Variants in DCST1 observed in about 807,000 individuals in gnomAD.
DCST1 encodes DC-STAMP domain containing 1.
Under a neutral mutation model 89.1 loss-of-function variants are expected in DCST1, and 78 were observed. The observed-to-expected ratio is 0.88, with a 90% CI of 0.73 to 1.06. DCST1 has a LOEUF of 1.06. Ranked by LOEUF, DCST1 falls within the 50% of genes least tolerant of loss-of-function variation. The probability of loss-of-function intolerance (pLI) is 0.00; values close to 1 mark genes in which losing one functional copy is unlikely to be tolerated. For synonymous variants in DCST1, 364 were observed against 371.9 expected (o/e 0.98, Z 0.24); for missense variants, 900 against 928.6 (o/e 0.97, Z 0.40).
chr1:155,045,477 T>C, intron 10 of DCST1: 1 of 216,122 alleles, frequency 4.6e-6, no homozygotes, highest in Admixed American at 5.3e-5. Context: ...AGGCAGGAAT[T>C]TGTGAGTCAC....
At position 155,040,547 on chromosome 1, in the gene DCST1, G is replaced by A. The variant is rs754021697; in HGVS notation, c.454G>A (p.Glu152Lys). ...NVIASLGCTV[E>K]LQINNTRAAW... ...GATCGCATCGCTGGGCTGCACCGTG[G>A]AGCTGCAGATCAACAACACCCGCGC... Residue 152 changes from glutamate to lysine, a missense_variant, in exon 6 of 17, where the codon GAG becomes AAG. Glu to Lys is a moderately conservative substitution (Grantham distance 56). Transcript: ENST00000295542. 7 of 1,592,964 alleles carry A rather than the reference G, an allele frequency of 4.4e-6. No individual in the cohort carries two copies. In the South Asian group the frequency reaches 8.0e-5, roughly 18 times the overall value.
chr1:155,038,525 G>A lies in DCST1; in HGVS notation c.263-878G>A, dbSNP rs535255208. 1.4e-4 allele frequency among the ~76,000 whole-genome samples: 21 copies of A among 152,340 alleles called. No individual in the cohort carries two copies. In the South Asian group the frequency reaches 4.1e-3, roughly 30 times the overall value. On this transcript the variant is annotated intron_variant, in intron 4 of 16. Transcript: ENST00000295542. ...CTCTACCACGACAGTGGAGATGGAG[G>A]AAGTGTAAGGATTTGGGATTTGCTT...
At chr1:155,043,035 C>G (rs1660484034) in intron 9 of DCST1, among the ~76,000 whole-genome samples, 179 bp downstream of exon 9, 1 of 151,874 alleles carries the variant, frequency 6.6e-6, no homozygotes, top group Admixed American at 6.6e-5. Flanking sequence ...TTTCCCATCT[C>G]CACCCCCGAA....
chr1:155,049,203 G>A, intron 16 of DCST1: 1 of 617,180 alleles, frequency 1.6e-6, no homozygotes, highest in South Asian at 2.0e-5. Context: ...CTGGGCTTTT[G>A]CCTTCCATAA....
At chr1:155,050,261 G>A (rs561939646) in intron 16 of DCST1, among the ~76,000 whole-genome samples, 1 of 152,356 alleles carries the variant, frequency 6.6e-6, no homozygotes, top group Non-Finnish European at 1.5e-5. Context: ...GTGACTTTGA[G>A]AGTCACTTCA....
At chr1:155,046,545 T>C in intron 13 of DCST1, 59 bp downstream of exon 13, 1 of 1,578,670 alleles carries the variant, frequency 6.3e-7, no homozygotes, top group Non-Finnish European at 8.6e-7. Flanking sequence ...AGAACTCCAA[T>C]GCCTGCACAG....
At position 155,046,443 on chromosome 1, in the gene DCST1, C is replaced by G; in HGVS notation, c.1452C>G (p.Phe484Leu). The G allele has an allele frequency of 6.2e-7, 1 of 1,613,918 alleles. No individual in the cohort carries two copies. The highest frequency in any genetic ancestry group is 8.5e-7 in the Non-Finnish European group (1 of 1,179,998). ...CGLDWALYSI[F>L]DTIRHHSFLQ... ...TGGACTGGGCTCTCTACTCCATCTT[C>G]GACACCATCCGCCACCACTCCTTCC... Residue 484 changes from phenylalanine (F) to leucine (L), a missense_variant, in exon 13 of 17, where the codon TTC becomes TTG. Phe to Leu is a conservative substitution (Grantham distance 22, BLOSUM62 0). Coordinates refer to ENST00000295542, the MANE Select transcript of DCST1 (RefSeq NM_152494.4).
At chr1:155,041,310 TG>T in intron 6 of DCST1, 86 bp from the exon 7 acceptor site, 1 of 1,398,926 alleles carries the variant, frequency 7.1e-7, no homozygotes, top group South Asian at 1.3e-5. Flanking sequence ...ACCCAAAGCT[TG>T]GCTACTGGGG....
intron 16 of DCST1, 148 bp downstream of exon 16, chr1:155,048,318 A>G: frequency 3.0e-6 from 2 of 667,604 alleles, no homozygotes; most frequent in Non-Finnish European, 5.1e-6. Flanking sequence ...TTGAGATGGA[A>G]TCTCACTGTG....
rs1660752492 is a variant in DCST1, at chr1:155,048,906, A to G, written c.1869+736A>G. 4.6e-6 allele frequency: 3 copies of G among 652,346 alleles called. No individual in the cohort carries two copies. In the East Asian group the frequency reaches 8.3e-5, roughly 18 times the overall value. 40.4% of individuals were successfully genotyped at this position (652,346 alleles called of 1,614,324 possible). On this transcript the variant is annotated intron_variant, in intron 16 of 16. Coordinates refer to ENST00000295542, the MANE Select transcript of DCST1 (RefSeq NM_152494.4). ...GTGGGCTGGGAGTCAGGAAGGCCTC[A>G]TGCAGGGGCACATGGTAAGGCACAT... is the stretch of plus-strand genomic sequence containing the variant.
intron 10 of DCST1, chr1:155,045,590 A>G: frequency 2.3e-6 from 1 of 427,948 alleles, no homozygotes; most frequent in Non-Finnish European, 4.3e-6. Flanking sequence ...CCTCAGATGC[A>G]CACATGCAAC....
Position 155,041,617 on chromosome 1 carries a change from AG to A in DCST1, c.748+8del, listed in dbSNP as rs1333854535. The A allele has an allele frequency of 6.3e-7, 1 of 1,577,376 alleles. No homozygotes were observed. Among genetic ancestry groups the A allele is most frequent in the Admixed American group, 1.7e-5 (1 of 58,798 alleles). On this transcript the variant is annotated splice_donor_5th_base_variant and intron_variant, in intron 7 of 16. Transcript: ENST00000295542. The stretch of plus-strand genomic sequence containing the variant: ...AAGACCAAGCTGCGTTGCTCCTGTG[AG>A]GGGTATCCCTGGGGAGTGGAGGGTG...
intron 5 of DCST1, 62 bp from the exon 6 acceptor site, chr1:155,040,423 G>A: frequency 6.5e-7 from 1 of 1,530,696 alleles, no homozygotes; most frequent in East Asian, 2.4e-5. Context: ...GAGGGAAGCT[G>A]AGCGGGTTTG....
intron 4 of DCST1, among the ~76,000 whole-genome samples, chr1:155,037,351 T>C (rs1012703074): frequency 6.6e-6 from 1 of 151,856 alleles, no homozygotes; most frequent in African/African-American, 2.4e-5. Flanking sequence ...ACTTGACATG[T>C]GACACCCATC....
rs1336543113 is a variant in DCST1 at position 155,034,639 on chromosome 1, C to T, written c.188-14C>T. The T allele has an allele frequency of 6.2e-7, 1 of 1,614,214 alleles. No homozygotes were observed. Among genetic ancestry groups the T allele is most frequent in the Non-Finnish European group, 8.5e-7 (1 of 1,180,028 alleles). On this transcript the variant is annotated splice_polypyrimidine_tract_variant and intron_variant, in intron 3 of 16. Transcript: ENST00000295542. ...ACCCATCTTTTGGCCTTTGGCTTGACCTTGTGCCCTTAGGTCTCTTTCAGC... is the reference window on the plus strand; with the variant it reads ...ACCCATCTTTTGGCCTTTGGCTTGATCTTGTGCCCTTAGGTCTCTTTCAGC...
At chr1:155,044,437 T>C (rs1156434378) in intron 10 of DCST1, among the ~76,000 whole-genome samples, 1 of 136,228 alleles carries the variant, frequency 7.3e-6, no homozygotes, top group South Asian at 2.3e-4. Context: ...ATTGTGCCAC[T>C]GCATTCTGCA....
Position 155,041,784 on chromosome 1 carries a change from C to T in DCST1, c.819C>T (p.His273=), listed in dbSNP as rs1369087761. 7.4e-6 allele frequency: 12 copies of T among 1,614,130 alleles called. No individual in the cohort carries two copies. Among genetic ancestry groups the T allele is most frequent in the Non-Finnish European group, 1.0e-5 (12 of 1,180,052 alleles). ...GCAAGCATGAACAGTGCATGAAGCA[C>T]ATCTGGGTCCCACTCCTCACCCACC... ...FDRKHEQCMK[H]IWVPLLTHLL... is the part of the protein sequence containing the mutation. Residue 273 remains histidine (H), a synonymous_variant, in exon 8 of 17, where the codon CAC becomes CAT. Transcript: ENST00000295542.
chr1:155,044,180 G>T (rs145592859), intron 10 of DCST1, among the ~76,000 whole-genome samples: 3 of 152,308 alleles, frequency 2.0e-5, no homozygotes, highest in East Asian at 3.9e-4. Flanking sequence ...CTCTATTCCT[G>T]CCCCCAATAA....
At position 155,050,718 on chromosome 1, in the gene DCST1, C is replaced by T. The variant is rs928226092; in HGVS notation, c.1971C>T (p.Ser657=). ...GCCAGGCACCCGAGACGCCCGAGTCCTACGTGTGCCGGACGCTGGACTGCG... is the reference window on the plus strand; with the variant it reads ...GCCAGGCACCCGAGACGCCCGAGTCTTACGTGTGCCGGACGCTGGACTGCG... ...VVCQAPETPE[S]YVCRTLDCEA... is the part of the protein sequence containing the mutation. Residue 657 remains serine (S), a synonymous_variant, in exon 17 of 17, where the codon TCC becomes TCT. Transcript: ENST00000295542. 7.5e-6 allele frequency: 12 copies of T among 1,609,500 alleles called. No individual in the cohort carries two copies. Among genetic ancestry groups the T allele is most frequent in the Non-Finnish European group, 1.0e-5 (12 of 1,178,452 alleles).
Sources: allele counts gnomAD v4.1 joint callset (sites outside exome capture counted in the v4.1 genomes callset), GRCh38; gene constraint gnomAD v4.1.1; transcripts MANE v1.5; gene names NCBI Gene and HGNC (gene_info 2026-07-23, HGNC 2026-07-21).